Variants in WASF1 observed in about 807,000 individuals in gnomAD.
WASF1 encodes the protein actin-binding protein WASF1.
Under a neutral mutation model 50.5 loss-of-function variants are expected in WASF1, and 7 were observed. The ratio of observed to expected loss-of-function variants is 0.14; its 90% CI spans 0.08 to 0.26. The LOEUF (loss-of-function observed/expected upper bound fraction) is 0.26. Ranked by LOEUF, WASF1 falls within the 10% of genes least tolerant of loss-of-function variation. WASF1 has a pLI of 1.00. For synonymous variants in WASF1, 205 were observed against 244.0 expected (o/e 0.84, Z 1.49); for missense variants, 470 against 694.7 (o/e 0.68, Z 3.64).
intron 4 of WASF1, among the ~76,000 whole-genome samples, chr6:110,119,447 G>A (rs1279977625): frequency 2.0e-5 from 3 of 152,132 alleles, no homozygotes; most frequent in African/African-American, 7.2e-5. Flanking sequence ...TAGCAGAAAT[G>A]GATAAATTCC....
At chr6:110,168,460 C>T (rs925625281) in intron 2 of WASF1, among the ~76,000 whole-genome samples, 2 of 152,044 alleles carry the variant, frequency 1.3e-5, no homozygotes, top group African/African-American at 4.8e-5. Flanking sequence ...TGCAGTTGTG[C>T]ACTGCCTCTA....
chr6:110,147,140 G>A (rs1336591772), intron 3 of WASF1, among the ~76,000 whole-genome samples: 1 of 152,096 alleles, frequency 6.6e-6, no homozygotes, highest in African/African-American at 2.4e-5. Flanking sequence ...GAGGTCAGGA[G>A]ATCGAGACCA....
chr6:110,128,984 C>T (rs1774539111), intron 3 of WASF1, among the ~76,000 whole-genome samples: 1 of 152,052 alleles, frequency 6.6e-6, no homozygotes, highest in South Asian at 2.1e-4. Flanking sequence ...ATCCCCCACT[C>T]CACACACCCC....
intron 5 of WASF1, among the ~76,000 whole-genome samples, chr6:110,112,894 C>CAA (rs1229766023): frequency 0.12 from 8,858 of 75,580 alleles, 339 homozygotes; most frequent in Non-Finnish European, 0.15. Flanking sequence ...GTGTCTGTCT[C>CAA]AAAAAAAAAA....
At chr6:110,132,965 C>T (rs1296626037) in intron 3 of WASF1, among the ~76,000 whole-genome samples, 1 of 127,146 alleles carries the variant, frequency 7.9e-6, no homozygotes, top group Non-Finnish European at 1.6e-5. Context: ...ATGGTGTATA[C>T]ACACACACAC....
Position 110,105,452 on chromosome 6 carries a change from T to C in WASF1, c.668A>G (p.Lys223Arg), listed in dbSNP as rs1773279136. Reference protein sequence around the residue: ...LAEDDANLLHKHIEVANGPAS... With the variant: ...LAEDDANLLHRHIEVANGPAS... The stretch of plus-strand genomic sequence containing the variant: ...TGGGCCATTAGCAACTTCAATATGC[T>C]TATGTAAGAGATTAGCATCATCTTC... Residue 223 changes from lysine to arginine, a missense_variant, in exon 8 of 11, where the codon AAG (lysine) becomes AGG (arginine). Physicochemically the swap from Lys to Arg is conservative, Grantham distance 26 (BLOSUM62 2). Around this residue, in one of 3 missense-constraint regions of WASF1, gnomAD observed 294 missense variants for 343.5 expected, o/e 0.86. Coordinates refer to ENST00000392589, the MANE Select transcript of WASF1 (RefSeq NM_003931.3). 8.1e-6 allele frequency: 13 copies of C among 1,613,720 alleles called. No homozygotes were observed. Among genetic ancestry groups the C allele is most frequent in the Non-Finnish European group, 1.1e-5 (13 of 1,179,890 alleles).
intron 6 of WASF1, 131 bp downstream of exon 6, chr6:110,108,397 C>CA (rs959086248): frequency 3.5e-6 from 3 of 854,632 alleles, no homozygotes; most frequent in Non-Finnish European, 5.1e-6. Context: ...AAAGGTTTTC[C>CA]AAAGGTGGTG....
intron 1 of WASF1, among the ~76,000 whole-genome samples, chr6:110,179,108 G>A (rs924086600): frequency 1.7e-4 from 26 of 152,208 alleles, no homozygotes; most frequent in Non-Finnish European, 3.1e-4. Context: ...GCGGACCGCG[G>A]GCGCGGGTGG....
At chr6:110,174,305 T>C (rs1776836697) in intron 2 of WASF1, among the ~76,000 whole-genome samples, 1 of 152,178 alleles carries the variant, frequency 6.6e-6, no homozygotes, top group Non-Finnish European at 1.5e-5. Context: ...CAAATGTATT[T>C]GTTCAACACC....
At chr6:110,117,416 T>C (rs781174942) in intron 4 of WASF1, among the ~76,000 whole-genome samples, 3 of 152,074 alleles carry the variant, frequency 2.0e-5, no homozygotes, top group Non-Finnish European at 4.4e-5. Context: ...ATATCAGTGA[T>C]TGAAGATCAA....
intron 3 of WASF1, among the ~76,000 whole-genome samples, chr6:110,139,865 A>C (rs1259092458): frequency 7.3e-6 from 1 of 136,390 alleles, no homozygotes; most frequent in East Asian, 2.5e-4. Flanking sequence ...CCCAATAACT[A>C]ATAATAGAAA....
chr6:110,119,576 A>G (rs1562167856), intron 4 of WASF1, among the ~76,000 whole-genome samples: 1 of 152,208 alleles, frequency 6.6e-6, no homozygotes, highest in East Asian at 1.9e-4. Context: ...AAAGCCCAGG[A>G]CCAGACAGAT....
chr6:110,155,060 G>A (rs904159345), intron 3 of WASF1, among the ~76,000 whole-genome samples: 1 of 151,946 alleles, frequency 6.6e-6, no homozygotes, highest in Non-Finnish European at 1.5e-5. Context: ...TTCCAGCTAG[G>A]GCATTCAAAA....
At chr6:110,160,925 C>T (rs1776237052) in intron 2 of WASF1, among the ~76,000 whole-genome samples, 193 bp from the exon 3 acceptor site, 1 of 151,360 alleles carries the variant, frequency 6.6e-6, no homozygotes, top group African/African-American at 2.4e-5. Flanking sequence ...CCTCATTAAT[C>T]ATATTCTACC....
At chr6:110,151,239 G>T (rs964039158) in intron 3 of WASF1, among the ~76,000 whole-genome samples, 1 of 152,074 alleles carries the variant, frequency 6.6e-6, no homozygotes, top group African/African-American at 2.4e-5. Flanking sequence ...AGCAACTTAC[G>T]AGAGTTCCAG....
chr6:110,141,759 C>T (rs974526184), intron 3 of WASF1, among the ~76,000 whole-genome samples: 1 of 151,668 alleles, frequency 6.6e-6, no homozygotes, highest in Non-Finnish European at 1.5e-5. Context: ...AAGACAGACA[C>T]ACATACACTT....
intron 8 of WASF1, among the ~76,000 whole-genome samples, chr6:110,105,025 C>T (rs752268851): frequency 2.6e-5 from 4 of 152,066 alleles, no homozygotes; most frequent in African/African-American, 4.8e-5. Context: ...AAACAGAACC[C>T]CTTCTTCACT....
intron 2 of WASF1, among the ~76,000 whole-genome samples, chr6:110,174,919 T>C (rs1776861059): frequency 6.6e-6 from 1 of 152,116 alleles, no homozygotes; most frequent in African/African-American, 2.4e-5. Context: ...TCAAAATCCA[T>C]TTAGCTTAAA....
At chr6:110,119,499 G>C (rs941354573) in intron 4 of WASF1, among the ~76,000 whole-genome samples, 1 of 152,082 alleles carries the variant, frequency 6.6e-6, no homozygotes, top group Non-Finnish European at 1.5e-5. Flanking sequence ...GGAAGAAGGT[G>C]AATCTCTGAA....
Sources: gnomAD v4.1 joint callset for allele counts (sites outside exome capture counted in the v4.1 genomes callset) on GRCh38, gnomAD v4.1.1 for gene constraint, gnomAD v4.1.1 regional missense constraint, MANE v1.5 for transcripts, NCBI Gene and HGNC (gene_info 2026-07-23, HGNC 2026-07-21) for gene names.